Variants in EXT1 observed in about 807,000 individuals in gnomAD.
The protein encoded by EXT1 is exostosin glycosyltransferase 1, also known as exostosin-1.
Under a neutral mutation model 82.5 loss-of-function variants are expected in EXT1, and 20 were observed. The observed-to-expected ratio is 0.24, with a 90% CI of 0.17 to 0.35. The LOEUF is 0.35. Among genes scored for constraint, EXT1 ranks in the 10% least tolerant of loss-of-function variants. The pLI is 1.00. For missense variants in EXT1, 757 were observed against 936.5 expected (o/e 0.81, Z 2.50); for synonymous variants, 348 against 350.8 (o/e 0.99, Z 0.09).
chr8:118,042,292 GTTTTTTGTTT>G (rs1366075568), intron 1 of EXT1, among the ~76,000 whole-genome samples: 1 of 148,034 alleles, frequency 6.8e-6, no homozygotes, highest in Non-Finnish European at 1.5e-5. Flanking sequence ...GTTTAGTTTT[GTTTTTTGTTT>G]TGTTTTGTTT....
At chr8:117,951,087 T>C (rs1361375375) in intron 1 of EXT1, among the ~76,000 whole-genome samples, 4 of 152,166 alleles carry the variant, frequency 2.6e-5, no homozygotes, top group Admixed American at 2.6e-4. Flanking sequence ...ATCATTTCCT[T>C]ATGGAAACCT....
intron 1 of EXT1, among the ~76,000 whole-genome samples, chr8:117,868,933 A>G (rs1006448096): frequency 6.6e-6 from 1 of 152,204 alleles, no homozygotes; most frequent in African/African-American, 2.4e-5. Flanking sequence ...TGGAGTAGCC[A>G]GCCCTCAACA....
rs559673131 is a variant in EXT1, at chr8:117,966,351, C to G, written c.963-129150G>C. On this transcript the variant is annotated intron_variant, in intron 1 of 10. Coordinates refer to ENST00000378204, the MANE Select transcript of EXT1 (RefSeq NM_000127.3). ...GACAGGATAATAACATCTAATTTAG[C>G]ACAGCCATGTGACAGACATGTCCTC... is the stretch of plus-strand genomic sequence containing the variant. Among the ~76,000 whole-genome samples, 144 of 152,314 alleles carry G rather than the reference C, an allele frequency of 9.5e-4. 1 individual carries two copies. Among genetic ancestry groups the G allele is most frequent in the African/African-American group, 3.4e-3 (140 of 41,566 alleles).
intron 1 of EXT1, among the ~76,000 whole-genome samples, chr8:118,034,126 G>A (rs1225326110): frequency 6.6e-6 from 1 of 152,016 alleles, no homozygotes; most frequent in Non-Finnish European, 1.5e-5. Flanking sequence ...CAATGTATTG[G>A]GTTCCTCTTC....
chr8:117,997,244 A>AATATATATATATATATATATATATATAT (rs1563624581), intron 1 of EXT1, among the ~76,000 whole-genome samples: 1 of 128,770 alleles, frequency 7.8e-6, no homozygotes, highest in African/African-American at 3.5e-5. Flanking sequence ...TAGTTGTCAT[A>AATATATATATATATATATATATATATAT]CTATATATAT....
intron 1 of EXT1, among the ~76,000 whole-genome samples, chr8:117,894,471 G>A (rs1586269285): frequency 6.6e-6 from 1 of 152,138 alleles, no homozygotes; most frequent in Non-Finnish European, 1.5e-5. Flanking sequence ...TCACAACGCT[G>A]TTATAATGAA....
At chr8:118,051,529 G>T (rs1047631293) in intron 1 of EXT1, among the ~76,000 whole-genome samples, 1 of 152,032 alleles carries the variant, frequency 6.6e-6, no homozygotes, top group South Asian at 2.1e-4. Flanking sequence ...AGAATTGATG[G>T]GCCAGGGAAA....
intron 1 of EXT1, among the ~76,000 whole-genome samples, chr8:118,073,245 C>T (rs1817129046): frequency 6.6e-6 from 1 of 152,176 alleles, no homozygotes; most frequent in African/African-American, 2.4e-5. Flanking sequence ...GTGACATACG[C>T]TAACTAATTT....
intron 4 of EXT1, among the ~76,000 whole-genome samples, 174 bp from the exon 5 acceptor site, chr8:117,822,771 T>C (rs1420985897): frequency 6.6e-6 from 1 of 152,096 alleles, no homozygotes; most frequent in Non-Finnish European, 1.5e-5. Flanking sequence ...AATGGAGCAA[T>C]GAAAAAGAGT....
chr8:117,937,343 A>G (rs1356293089), intron 1 of EXT1, among the ~76,000 whole-genome samples: 2 of 152,242 alleles, frequency 1.3e-5, no homozygotes, highest in Non-Finnish European at 2.9e-5. Flanking sequence ...AATATAATCG[A>G]GGACACAATC....
chr8:117,999,157 C>G (rs1815607862), intron 1 of EXT1, among the ~76,000 whole-genome samples: 1 of 152,082 alleles, frequency 6.6e-6, no homozygotes, highest in South Asian at 2.1e-4. Flanking sequence ...AATGCAATGC[C>G]TTACTTTAGG....
In EXT1 at chr8:117,837,214, G is replaced by A. The variant is rs1812202362; in HGVS notation, c.963-13C>T. Reference sequence around the variant, plus strand: ...CCGATAATCATACCTAGAAAGAGAAGAGGAGTAAACAGCAAATGAAGACTC... The same window carrying A: ...CCGATAATCATACCTAGAAAGAGAAAAGGAGTAAACAGCAAATGAAGACTC... On this transcript the variant is annotated splice_polypyrimidine_tract_variant and intron_variant, in intron 1 of 10. Coordinates refer to ENST00000378204, the MANE Select transcript of EXT1 (RefSeq NM_000127.3). 1.2e-6 allele frequency: 2 copies of A among 1,605,570 alleles called. No individual in the cohort carries two copies. The highest frequency in any genetic ancestry group is 1.7e-6 in the Non-Finnish European group (2 of 1,172,386).
intron 1 of EXT1, among the ~76,000 whole-genome samples, chr8:117,981,202 G>A (rs1185346183): frequency 6.6e-6 from 1 of 152,092 alleles, no homozygotes. Flanking sequence ...AGCATGGGGG[G>A]TTTTAAATGC....
chr8:118,082,698 C>T (rs986105121), intron 1 of EXT1, among the ~76,000 whole-genome samples: 4 of 152,222 alleles, frequency 2.6e-5, no homozygotes, highest in Middle Eastern at 3.4e-3. Flanking sequence ...GTAATGCAAC[C>T]CAAAACACCA....
chr8:117,875,466 AAAAT>A (rs1326714663), intron 1 of EXT1, among the ~76,000 whole-genome samples: 8 of 143,464 alleles, frequency 5.6e-5, no homozygotes, highest in African/African-American at 1.0e-4. Context: ...ATAAATAAAT[AAAAT>A]AATAAAGGTA....
At chr8:117,819,151 G>A (rs2129738851) in intron 6 of EXT1, among the ~76,000 whole-genome samples, 1 of 152,208 alleles carries the variant, frequency 6.6e-6, no homozygotes, top group African/African-American at 2.4e-5. Context: ...TCACAAATCA[G>A]AAAAACCACC....
At chr8:117,804,635 G>C in intron 10 of EXT1, 87 bp downstream of exon 10, 1 of 1,443,868 alleles carries the variant, frequency 6.9e-7, no homozygotes, top group Non-Finnish European at 9.7e-7. Flanking sequence ...GCTCCTGGGT[G>C]GAACAGCTAG....
chr8:117,968,710 T>TA (rs1271808034), intron 1 of EXT1, among the ~76,000 whole-genome samples: 1 of 103,784 alleles, frequency 9.6e-6, no homozygotes, highest in Non-Finnish European at 1.7e-5. Flanking sequence ...GCTGGGACTA[T>TA]AGGCGCCCAC....
chr8:118,055,312 T>C (rs1816778270), intron 1 of EXT1, among the ~76,000 whole-genome samples: 1 of 152,226 alleles, frequency 6.6e-6, no homozygotes, highest in African/African-American at 2.4e-5. Flanking sequence ...CATGTATCAA[T>C]AGTTTGTTCT....
Sources: allele counts gnomAD v4.1 joint callset (sites outside exome capture counted in the v4.1 genomes callset), GRCh38; gene constraint gnomAD v4.1.1; transcripts MANE v1.5; gene names NCBI Gene and HGNC (gene_info 2026-07-23, HGNC 2026-07-21).